Variants in NEMP2 observed in about 807,000 individuals in gnomAD.
NEMP2 encodes the protein UPF0571 transmembrane protein.
In NEMP2, 53 loss-of-function variants were observed where a neutral mutation model predicts 54.2. The observed-to-expected ratio is 0.98, with a 90% CI of 0.78 to 1.23. The LOEUF is 1.23. NEMP2 is among the 50% of genes most tolerant of loss of function. The pLI is 0.00. For synonymous variants in NEMP2, 197 were observed against 190.3 expected (o/e 1.04, Z -0.29); for missense variants, 455 against 511.3 (o/e 0.89, Z 1.06).
the NEMP2 span, among the ~76,000 whole-genome samples, chr2:190,588,723 G>A: frequency 2.0e-5 from 3 of 152,112 alleles, no homozygotes; most frequent in Non-Finnish European, 2.9e-5. The surrounding 1 kb of genome is among the most constrained non-coding windows in gnomAD (Gnocchi z 5.0). Flanking sequence ...CCAGAAAAGA[G>A]ATTATCCTAA....
chr2:190,488,917 C>G, the NEMP2 span: 1 of 1,171,198 alleles, frequency 8.5e-7, no homozygotes, highest in Non-Finnish European at 1.2e-6. This position sits in a 1 kb window ranked among gnomAD's most constrained non-coding sequence, Gnocchi z 6.4. Context: ...TGAAGATTGC[C>G]CAAAGCTAAA....
the NEMP2 span, among the ~76,000 whole-genome samples, chr2:190,606,795 T>A: frequency 1.2e-4 from 18 of 152,344 alleles, no homozygotes; most frequent in South Asian, 3.5e-3. Context: ...ATAGCTCAAT[T>A]AATTTTTTTT....
the NEMP2 span, among the ~76,000 whole-genome samples, chr2:190,432,976 C>T: frequency 1.3e-5 from 2 of 152,144 alleles, no homozygotes; most frequent in African/African-American, 4.8e-5. Flanking sequence ...TTGGCTTTCC[C>T]TATAATCAAC....
the NEMP2 span, among the ~76,000 whole-genome samples, chr2:190,557,169 C>G: frequency 1.3e-5 from 2 of 152,138 alleles, no homozygotes; most frequent in African/African-American, 2.4e-5. Context: ...AGAAATAATG[C>G]CACACATCTA....
the NEMP2 span, among the ~76,000 whole-genome samples, chr2:190,577,347 CA>C: frequency 6.6e-6 from 1 of 151,978 alleles, no homozygotes; most frequent in South Asian, 2.1e-4. The surrounding 1 kb of genome is among the most constrained non-coding windows in gnomAD (Gnocchi z 4.8). Context: ...TTTCAGTGAA[CA>C]AAAACAGTAT....
At chr2:190,532,285 T>A (rs1691170998) in intron 1 of NEMP2, among the ~76,000 whole-genome samples, 2 of 152,214 alleles carry the variant, frequency 1.3e-5, no homozygotes, top group Non-Finnish European at 2.9e-5. Context: ...ACCTGAATAT[T>A]CATCTTTTTC....
chr2:190,566,649 G>T, the NEMP2 span, among the ~76,000 whole-genome samples: 1 of 149,244 alleles, frequency 6.7e-6, no homozygotes, highest in Admixed American at 6.7e-5. Context: ...GGGAGGGGAG[G>T]GGAGGGAAAG....
At chr2:190,500,366 C>T (rs1400890341), downstream of NEMP2, 5 of 787,036 alleles carry the variant, frequency 6.4e-6, no homozygotes, top group Non-Finnish European at 1.0e-5. The surrounding 1 kb of genome is among the most constrained non-coding windows in gnomAD (Gnocchi z 5.3). Flanking sequence ...CATGGAAACA[C>T]ACACACAGGA....
the NEMP2 span, among the ~76,000 whole-genome samples, chr2:190,471,873 G>A: frequency 6.6e-6 from 1 of 152,172 alleles, no homozygotes; most frequent in African/African-American, 2.4e-5. The surrounding 1 kb of genome is among the most constrained non-coding windows in gnomAD (Gnocchi z 4.7). Context: ...ATACGGCCGG[G>A]TACCCCTCTG....
chr2:190,511,982 G>GTA lies in NEMP2; in HGVS notation c.954-1447_954-1446dup, dbSNP rs1261403036. Reference sequence around the variant, plus strand: ...ATATATTTATATAATATATATTTAAGTATATATATATTTTTTCTTGAGGGT... The same window carrying GTA: ...ATATATTTATATAATATATATTTAAGTATATATATATATTTTTTCTTGAGGGT... On this transcript the variant is annotated intron_variant, in intron 7 of 8. Coordinates refer to ENST00000409150, the MANE Select transcript of NEMP2 (RefSeq NM_001142645.2). Among the ~76,000 whole-genome samples the GTA allele has an allele frequency of 1.0e-4, 15 of 149,614 alleles. No homozygotes were observed. In the Admixed American group the frequency reaches 1.0e-3, roughly 10 times the overall value.
At chr2:190,633,317 T>C in the NEMP2 span, among the ~76,000 whole-genome samples, 9,736 of 151,312 alleles carry the variant, frequency 0.064, 445 homozygotes, top group Non-Finnish European at 0.1. Context: ...TTTCCTTTTT[T>C]TTTTTTTTTT....
At chr2:190,628,091 T>G in the NEMP2 span, 1 of 152,282 alleles carries the variant, frequency 6.6e-6, no homozygotes. The surrounding 1 kb of genome is among the most constrained non-coding windows in gnomAD (Gnocchi z 4.1). Context: ...CGTGCCTCTT[T>G]GTGTTCCTGG....
At chr2:190,547,097 C>T in the NEMP2 span, among the ~76,000 whole-genome samples, 1 of 152,212 alleles carries the variant, frequency 6.6e-6, no homozygotes, top group Non-Finnish European at 1.5e-5. This position sits in a 1 kb window ranked among gnomAD's most constrained non-coding sequence, Gnocchi z 6.2. Context: ...TTCACCTTCT[C>T]GTCAGACTCC....
the NEMP2 span, among the ~76,000 whole-genome samples, chr2:190,566,739 A>G: frequency 9.4e-5 from 13 of 138,670 alleles, no homozygotes; most frequent in Non-Finnish European, 3.3e-5. Context: ...GGAAAGAAAG[A>G]AAAGAAAAAA....
At chr2:190,548,932 TTTG>T in the NEMP2 span, among the ~76,000 whole-genome samples, 1 of 152,208 alleles carries the variant, frequency 6.6e-6, no homozygotes, top group Admixed American at 6.5e-5. Flanking sequence ...CTTTCATGTG[TTTG>T]TTTATAGTTG....
chr2:190,559,906 A>G, the NEMP2 span, among the ~76,000 whole-genome samples: 4 of 152,172 alleles, frequency 2.6e-5, no homozygotes, highest in Non-Finnish European at 4.4e-5. This position sits in a 1 kb window ranked among gnomAD's most constrained non-coding sequence, Gnocchi z 4.0. Context: ...TCTGGGATTC[A>G]GATGCAGATA....
the NEMP2 span, among the ~76,000 whole-genome samples, chr2:190,619,998 C>A: frequency 6.6e-6 from 1 of 152,162 alleles, no homozygotes; most frequent in African/African-American, 2.4e-5. This position sits in a 1 kb window ranked among gnomAD's most constrained non-coding sequence, Gnocchi z 5.5. Flanking sequence ...TACCACTTAG[C>A]ACCTGGTGGT....
chr2:190,619,196 T>C, the NEMP2 span, among the ~76,000 whole-genome samples: 4 of 152,006 alleles, frequency 2.6e-5, no homozygotes, highest in Admixed American at 1.3e-4. This position sits in a 1 kb window ranked among gnomAD's most constrained non-coding sequence, Gnocchi z 5.5. Flanking sequence ...CTGGACAACA[T>C]AGTGAGATTT....
chr2:190,541,180 G>GTATA, the NEMP2 span, among the ~76,000 whole-genome samples: 79 of 149,526 alleles, frequency 5.3e-4, no homozygotes, highest in East Asian at 2.0e-3. This position sits in a 1 kb window ranked among gnomAD's most constrained non-coding sequence, Gnocchi z 5.2. Flanking sequence ...ATATATATGT[G>GTATA]TATATATATA....
Sources: gnomAD v4.1 joint callset for allele counts (sites outside exome capture counted in the v4.1 genomes callset) on GRCh38, gnomAD v4.1.1 for gene constraint, Gnocchi (gnomAD v3.1) non-coding constraint, MANE v1.5 for transcripts, NCBI Gene and HGNC (gene_info 2026-07-23, HGNC 2026-07-21) for gene names.